CNTN4: variants seen among roughly 807,000 people sequenced by gnomAD.
The protein encoded by CNTN4 is contactin-4.
A neutral mutation model predicts 122.5 loss-of-function variants in CNTN4; 77 were observed. That is an observed-to-expected ratio of 0.63 (90% CI 0.52 to 0.76). The LOEUF is 0.76. CNTN4 is among the 30% of genes least tolerant of loss of function. The pLI is 0.00. For missense variants in CNTN4, 1,256 were observed against 1,259.1 expected (o/e 1.00, Z 0.04); for synonymous variants, 512 against 447.0 (o/e 1.15, Z -1.83).
intron 13 of CNTN4, among the ~76,000 whole-genome samples, chr3:2,955,967 G>A (rs549819971): frequency 1.3e-5 from 2 of 152,226 alleles, no homozygotes; most frequent in African/African-American, 4.8e-5. Context: ...TTAAAAGCAA[G>A]GACTCAGCTA....
chr3:2,174,512 C>G (rs948969051), intron 2 of CNTN4, among the ~76,000 whole-genome samples: 14 of 151,996 alleles, frequency 9.2e-5, no homozygotes, highest in African/African-American at 3.4e-4. Flanking sequence ...TGTAAAGGAC[C>G]AAGGAACTCT....
intron 2 of CNTN4, among the ~76,000 whole-genome samples, chr3:2,105,559 A>T (rs886435171): frequency 3.3e-5 from 5 of 152,126 alleles, no homozygotes; most frequent in South Asian, 2.1e-4. Context: ...TTATAAAACC[A>T]TCAGATCTCA....
intron 7 of CNTN4, among the ~76,000 whole-genome samples, chr3:2,825,594 T>G (rs573748518): frequency 6.6e-6 from 1 of 152,152 alleles, no homozygotes; most frequent in South Asian, 2.1e-4. Context: ...GAGGATGAGG[T>G]GGGAGGATTC....
At chr3:2,378,401 C>T (rs912276619) in intron 3 of CNTN4, among the ~76,000 whole-genome samples, 2 of 152,158 alleles carry the variant, frequency 1.3e-5, no homozygotes, top group Non-Finnish European at 2.9e-5. Context: ...TCCACTCACA[C>T]TGGTTAGAAG....
chr3:2,943,603 TAA>T (rs2094638631), intron 13 of CNTN4, among the ~76,000 whole-genome samples: 1 of 140,928 alleles, frequency 7.1e-6, no homozygotes, highest in African/African-American at 2.7e-5. Flanking sequence ...TATAAATATA[TAA>T]ATATATTTAT....
chr3:2,900,911 T>A (rs1359312732), intron 11 of CNTN4, 90 bp downstream of exon 11: 4 of 1,499,962 alleles, frequency 2.7e-6, no homozygotes, highest in Non-Finnish European at 2.8e-6. Context: ...TGGTGAATTG[T>A]TTCTAAAATA....
intron 2 of CNTN4, among the ~76,000 whole-genome samples, chr3:2,157,562 C>G (rs2035778028): frequency 6.6e-6 from 1 of 152,126 alleles, no homozygotes; most frequent in African/African-American, 2.4e-5. Flanking sequence ...TCTCACTTTA[C>G]TGTTACTATC....
At position 2,826,532 on chromosome 3, in the gene CNTN4, C is replaced by G. The variant is rs558571184; in HGVS notation, c.454+6951C>G. Among the ~76,000 whole-genome samples, 3 of 152,302 alleles carry G rather than the reference C, an allele frequency of 2.0e-5. No individual in the cohort carries two copies. The South Asian group carries it at 6.2e-4, about 32-fold the overall frequency. On this transcript the variant is annotated intron_variant, in intron 7 of 24. Coordinates refer to ENST00000418658, the MANE Select transcript of CNTN4 (RefSeq NM_175607.3). ...AGATAAAAGCGTGAAAGTAGGACAT[C>G]TGTGTTCTAGTCCTAGCTCTCCCAT...
intron 3 of CNTN4, among the ~76,000 whole-genome samples, chr3:2,554,445 T>C (rs2078638511): frequency 6.6e-6 from 1 of 152,130 alleles, no homozygotes; most frequent in Admixed American, 6.6e-5. Flanking sequence ...CATTTCATCC[T>C]GCATTTGTAC....
rs573632830 is a variant in CNTN4, at chr3:2,879,641, A to G, written c.653-3504A>G. ...ATTTATAGGAAATATTCAGAAAAAA[A>G]GCAAATGTACAGAGACAGAAAGCAG... On this transcript the variant is annotated intron_variant, in intron 8 of 24. Transcript: ENST00000418658. Among the ~76,000 whole-genome samples the G allele has an allele frequency of 6.4e-3, 968 of 151,128 alleles. 5 individuals carry two copies. The highest frequency in any genetic ancestry group is 0.011 in the Non-Finnish European group (723 of 67,628).
At chr3:2,855,736 G>A (rs919355794) in intron 7 of CNTN4, among the ~76,000 whole-genome samples, 1 of 152,160 alleles carries the variant, frequency 6.6e-6, no homozygotes. Context: ...CACATCAGGT[G>A]GACTAACTTC....
At chr3:2,782,740 G>T (rs933371957) in intron 6 of CNTN4, among the ~76,000 whole-genome samples, 1 of 152,136 alleles carries the variant, frequency 6.6e-6, no homozygotes, top group African/African-American at 2.4e-5. Flanking sequence ...TTCAGGCTAA[G>T]CTACTGCTTT....
chr3:2,541,751 A>C (rs959746778), intron 3 of CNTN4, among the ~76,000 whole-genome samples: 4 of 152,120 alleles, frequency 2.6e-5, no homozygotes, highest in Non-Finnish European at 5.9e-5. Context: ...CAGACCGCCA[A>C]GGGCAAAAAT....
intron 4 of CNTN4, among the ~76,000 whole-genome samples, chr3:2,692,574 G>C (rs1212560955): frequency 6.6e-6 from 1 of 151,992 alleles, no homozygotes; most frequent in African/African-American, 2.4e-5. Flanking sequence ...TTATTTCTTT[G>C]ACTAAAATAT....
At chr3:2,748,180 C>T (rs950525012) in intron 6 of CNTN4, among the ~76,000 whole-genome samples, 5 of 152,152 alleles carry the variant, frequency 3.3e-5, no homozygotes, top group African/African-American at 1.2e-4. Context: ...GTTAATGAAG[C>T]TGACAATAAT....
At chr3:2,728,271 C>G (rs1576587811) in intron 4 of CNTN4, among the ~76,000 whole-genome samples, 1 of 152,142 alleles carries the variant, frequency 6.6e-6, no homozygotes, top group Non-Finnish European at 1.5e-5. Context: ...TAATTTAGAT[C>G]CACAGAGATG....
At chr3:2,891,230 G>T (rs990294522) in intron 10 of CNTN4, among the ~76,000 whole-genome samples, 1 of 152,130 alleles carries the variant, frequency 6.6e-6, no homozygotes, top group Non-Finnish European at 1.5e-5. Flanking sequence ...TTGGGAGGCC[G>T]AAGTGGGTGA....
chr3:2,552,331 C>A (rs942445336), intron 3 of CNTN4, among the ~76,000 whole-genome samples: 1 of 152,192 alleles, frequency 6.6e-6, no homozygotes, highest in Non-Finnish European at 1.5e-5. Context: ...ACAACAACTT[C>A]ACTTCTTTTG....
rs1199430171 is a variant in CNTN4 at position 2,506,359 on chromosome 3, C to T, written c.-88-65057C>T. ...TGGAGCACCACGTTAGTGAAAAAGC[C>T]GATTATAAATAATAATGACCTTAGT... On this transcript the variant is annotated intron_variant, in intron 3 of 24. Coordinates refer to ENST00000418658, the MANE Select transcript of CNTN4 (RefSeq NM_175607.3). Among the ~76,000 whole-genome samples the T allele has an allele frequency of 2.6e-5, 4 of 152,118 alleles. No individual in the cohort carries two copies. In the East Asian group the frequency reaches 5.8e-4, roughly 22 times the overall value.
Sources: allele counts gnomAD v4.1 joint callset (sites outside exome capture counted in the v4.1 genomes callset), GRCh38; gene constraint gnomAD v4.1.1; transcripts MANE v1.5; gene names NCBI Gene and HGNC (gene_info 2026-07-23, HGNC 2026-07-21).